Variants in KIF1A observed in about 807,000 individuals in gnomAD.
The protein encoded by KIF1A is kinesin-like protein KIF1A.
A neutral mutation model predicts 227.3 loss-of-function variants in KIF1A; 46 were observed. That is an observed-to-expected ratio of 0.20 (90% CI 0.16 to 0.26). The LOEUF (loss-of-function observed/expected upper bound fraction) is 0.26, where lower values mean the gene tolerates loss of function less well. KIF1A is among the 10% of genes least tolerant of loss of function. KIF1A has a pLI of 1.00. For synonymous variants in KIF1A, 1,022 were observed against 1,012.8 expected (o/e 1.01, Z -0.17); for missense variants, 1,683 against 2,485.9 (o/e 0.68, Z 6.87).
chr2:240,762,966 G>T, intron 22 of KIF1A, 53 bp downstream of exon 22: 1 of 1,387,896 alleles, frequency 7.2e-7, no homozygotes, highest in Non-Finnish European at 9.6e-7. Flanking sequence ...GAGGACAGGG[G>T]TCCCCTGGTG....
intron 37 of KIF1A, chr2:240,737,419 A>G (rs1156397496): frequency 5.8e-6 from 2 of 347,084 alleles, no homozygotes; most frequent in Non-Finnish European, 1.1e-5. Context: ...GTATACACAC[A>G]CTGACAAATG....
rs1297092667 is a variant in KIF1A at position 240,725,213 on chromosome 2, C to G, written c.4256+58G>C. ...GGACCGCTGCCAGGCAGAGCCCTGC[C>G]TGGCCCGCACCGAGACCAGGGTGGG... is the stretch of plus-strand genomic sequence containing the variant. On this transcript the variant is annotated intron_variant, in intron 40 of 48. Coordinates refer to ENST00000498729, the MANE Select transcript of KIF1A (RefSeq NM_001244008.2). The surrounding 1 kb of genome is among the most constrained non-coding windows in gnomAD (Gnocchi z 5.8). The G allele has an allele frequency of 2.6e-6, 4 of 1,545,256 alleles. No individual in the cohort carries two copies. The Admixed American group carries it at 8.0e-5, about 31-fold the overall frequency.
chr2:240,815,770 T>C (rs979620823), intron 1 of KIF1A, among the ~76,000 whole-genome samples: 4 of 151,870 alleles, frequency 2.6e-5, no homozygotes, highest in African/African-American at 7.3e-5. Context: ...ATCCTCGGAG[T>C]CCCAGGTCCT....
chr2:240,794,884 T>G (rs2056195240), intron 2 of KIF1A, among the ~76,000 whole-genome samples: 1 of 152,170 alleles, frequency 6.6e-6, no homozygotes, highest in South Asian at 2.1e-4. Context: ...ATGTGTTGTT[T>G]GGGCTCTGTG....
chr2:240,818,334 C>A (rs35903022), intron 1 of KIF1A, among the ~76,000 whole-genome samples: 91,760 of 151,956 alleles, frequency 0.6, 27,743 homozygotes, highest in Admixed American at 0.7. Context: ...TCCGATCCCA[C>A]GCTGGGCCCC....
chr2:240,759,583 C>CA (rs2050265265), intron 25 of KIF1A, among the ~76,000 whole-genome samples: 1 of 59,084 alleles, frequency 1.7e-5, no homozygotes. Context: ...CTACTCCTCT[C>CA]TGCCTGGTGC....
rs932151025 is a variant in KIF1A, at chr2:240,714,624, A to C, written c.*2740T>G. 1.3e-5 allele frequency: 2 copies of C among 152,108 alleles called. No individual in the cohort carries two copies. Among genetic ancestry groups the C allele is most frequent in the Non-Finnish European group, 2.9e-5 (2 of 68,034 alleles). The allele number at this position is 152,108 out of a possible 1,614,324, so 9.4% of individuals were successfully genotyped here. A position where few individuals can be genotyped will look rare whatever the true frequency, so the allele number is the denominator to read the frequency against. ...ATGAGCACCTCCACACCAGCCCTCC[A>C]CCTCACAGATGTGGAAACCGACTCC... On this transcript the variant is annotated 3_prime_UTR_variant, in exon 49 of 49. Coordinates refer to ENST00000498729, the MANE Select transcript of KIF1A (RefSeq NM_001244008.2).
rs1458024108 is a variant in KIF1A at position 240,713,912 on chromosome 2, G to A, written c.*3452C>T. ...GACGGCAGCTATGACATGGGGTCTG[G>A]GGTGTGCCCACAGCAATCACATATG... On this transcript the variant is annotated 3_prime_UTR_variant, in exon 49 of 49. Coordinates refer to ENST00000498729, the MANE Select transcript of KIF1A (RefSeq NM_001244008.2). The A allele has an allele frequency of 6.5e-6, 1 of 152,890 alleles. No homozygotes were observed. Among genetic ancestry groups the A allele is most frequent in the East Asian group, 1.9e-4 (1 of 5,326 alleles). 9.5% of individuals were successfully genotyped at this position (152,890 alleles called of 1,614,324 possible).
intron 1 of KIF1A, among the ~76,000 whole-genome samples, chr2:240,817,158 A>G (rs2058387930): frequency 6.6e-6 from 1 of 152,202 alleles, no homozygotes; most frequent in Non-Finnish European, 1.5e-5. Flanking sequence ...GCCGGAGGCC[A>G]CCACCTAAGG....
chr2:240,775,390 G>A lies in KIF1A; in HGVS notation c.958+461C>T, dbSNP rs2125983541. On this transcript the variant is annotated intron_variant, in intron 11 of 48. Transcript: ENST00000498729. The surrounding 1 kb of genome is among the most constrained non-coding windows in gnomAD (Gnocchi z 5.5). The stretch of plus-strand genomic sequence containing the variant: ...GGGATGGACGGGATCAGCGTCGGGT[G>A]CATTTCAATTCCCACCTCCCCGTCT... Among the ~76,000 whole-genome samples, 1 of 152,308 alleles carries A rather than the reference G, an allele frequency of 6.6e-6. No homozygotes were observed.
At chr2:240,756,916 A>G (rs1241949866) in intron 27 of KIF1A, among the ~76,000 whole-genome samples, 1 of 152,168 alleles carries the variant, frequency 6.6e-6, no homozygotes, top group African/African-American at 2.4e-5. Context: ...GCCCTCACCT[A>G]TCAAATGCCC....
intron 29 of KIF1A, among the ~76,000 whole-genome samples, chr2:240,746,704 G>A (rs2048639143): frequency 6.6e-6 from 1 of 152,196 alleles, no homozygotes; most frequent in African/African-American, 2.4e-5. Context: ...GTGGCATGGG[G>A]TGCACTTTGG....
At chr2:240,776,035 C>T (rs2052686132) in intron 10 of KIF1A, 109 bp from the exon 11 acceptor site, 1 of 783,866 alleles carries the variant, frequency 1.3e-6, no homozygotes, top group Non-Finnish European at 2.2e-6. Flanking sequence ...GGAGGCTGGG[C>T]AAGGGGCGGG....
upstream of KIF1A, among the ~76,000 whole-genome samples, chr2:240,821,333 GC>G (rs1424720933): frequency 6.6e-6 from 1 of 152,244 alleles, no homozygotes; most frequent in Non-Finnish European, 1.5e-5. Flanking sequence ...GGGAGAGCCG[GC>G]TTCACCTCAG....
In KIF1A at chr2:240,807,078, A is replaced by ATGTGTG. The variant is rs67918205; in HGVS notation, c.-60-9272_-60-9267dup. Among the ~76,000 whole-genome samples, 123 of 95,220 alleles carry ATGTGTG rather than the reference A, an allele frequency of 1.3e-3. 3 individuals are homozygous for ATGTGTG. Among genetic ancestry groups the ATGTGTG allele is most frequent in the South Asian group, 5.0e-3 (14 of 2,822 alleles). The allele number at this position is 95,220 out of a possible 152,430, so 62.5% of individuals were successfully genotyped here. A position where few individuals can be genotyped will look rare whatever the true frequency, so the allele number is the denominator to read the frequency against. ...ATTTGACCTACACATCCTCATATAT[A>ATGTGTG]TGTGTGTGTGTGTGTGTGTGTGTGT... is the stretch of plus-strand genomic sequence containing the variant. On this transcript the variant is annotated intron_variant, in intron 1 of 48. Coordinates refer to ENST00000498729, the MANE Select transcript of KIF1A (RefSeq NM_001244008.2).
rs761974755 is a variant in KIF1A, at chr2:240,719,780, C to T, written c.5015G>A (p.Arg1672Gln). ...RLLVPDIQEI[R>Q]VSPIVSKKGY... ...CCAGGGAGGCCCCACACACCTGACT[C>T]GGATCTCCTGGATGTCAGGGACCAG... Residue 1672 changes from arginine (R) to glutamine (Q), a missense_variant, in exon 46 of 49, where the codon CGA (arginine) becomes CAA (glutamine). Around this residue, in one of 12 missense-constraint regions of KIF1A, gnomAD observed 384 missense variants for 410.1 expected, o/e 0.94. Transcript: ENST00000498729. The T allele has an allele frequency of 4.9e-5, 77 of 1,582,768 alleles. No individual in the cohort carries two copies. Among genetic ancestry groups the T allele is most frequent in the East Asian group, 1.8e-4 (8 of 43,800 alleles).
chr2:240,760,060 G>T (rs892263909), intron 25 of KIF1A, among the ~76,000 whole-genome samples: 1 of 151,872 alleles, frequency 6.6e-6, no homozygotes, highest in Non-Finnish European at 1.5e-5. Flanking sequence ...ACAAATCAGC[G>T]TGAGCATGTG....
In KIF1A at chr2:240,745,843, GCATCCAGGGGCC is replaced by G; in HGVS notation, c.3257_3268del (p.Gly1086_Asp1089del). Reference sequence around the variant, plus strand: ...GCCCAGGCGGAGGTGGTCCAGGGCAGCATCCAGGGGCCCATCCAGGGCGGCTTTCTCAGAGCT... The same window carrying G: ...GCCCAGGCGGAGGTGGTCCAGGGCAGCATCCAGGGCGGCTTTCTCAGAGCT... On this transcript the variant is annotated inframe_deletion, in exon 31 of 49. Coordinates refer to ENST00000498729, the MANE Select transcript of KIF1A (RefSeq NM_001244008.2). 2 of 1,612,558 alleles carry G rather than the reference GCATCCAGGGGCC, an allele frequency of 1.2e-6. No individual in the cohort carries two copies. Among genetic ancestry groups the G allele is most frequent in the South Asian group, 2.2e-5 (2 of 90,790 alleles).
At chr2:240,791,003 G>A (rs73102688) in intron 2 of KIF1A, among the ~76,000 whole-genome samples, 113 of 152,212 alleles carry the variant, frequency 7.4e-4, no homozygotes, top group African/African-American at 2.4e-3. Context: ...CAGCCTTGTC[G>A]CCAGGGCAGA....
Sources: gnomAD v4.1 joint callset for allele counts (sites outside exome capture counted in the v4.1 genomes callset) on GRCh38, gnomAD v4.1.1 for gene constraint, gnomAD v4.1.1 regional missense constraint, Gnocchi (gnomAD v3.1) non-coding constraint, MANE v1.5 for transcripts, NCBI Gene and HGNC (gene_info 2026-07-23, HGNC 2026-07-21) for gene names.